DOCK11: variants seen among roughly 807,000 people sequenced by gnomAD.
DOCK11 encodes dedicator of cytokinesis protein 11.
In DOCK11, 70 loss-of-function variants were observed where a neutral mutation model predicts 169.1. The observed-to-expected ratio is 0.41, with a 90% CI of 0.34 to 0.51. The LOEUF is 0.51. DOCK11 is among the 20% of genes least tolerant of loss of function. DOCK11 has a pLI of 0.10. For synonymous variants in DOCK11, 529 were observed against 541.3 expected (o/e 0.98, Z 0.32); for missense variants, 1,166 against 1,538.8 (o/e 0.76, Z 4.05).
intron 38 of DOCK11, among the ~76,000 whole-genome samples, chrX:118,640,963 T>G (rs1256366748): frequency 9.0e-6 from 1 of 110,513 alleles, no homozygotes; most frequent in Non-Finnish European, 1.9e-5. Context: ...CCGGCTAATT[T>G]TTTGTATTTT....
At chrX:118,520,195 A>G (rs1260333491) in intron 1 of DOCK11, among the ~76,000 whole-genome samples, 1 of 112,038 alleles carries the variant, frequency 8.9e-6, no homozygotes, top group East Asian at 2.8e-4. Flanking sequence ...AACCAATATG[A>G]TATTGGTTTA....
intron 6 of DOCK11, among the ~76,000 whole-genome samples, chrX:118,555,199 A>C (rs181367243): frequency 1.3e-4 from 15 of 111,775 alleles, no homozygotes; most frequent in Admixed American, 3.8e-4. Flanking sequence ...ATACGGTAGA[A>C]TTATTTAAGA....
chrX:118,546,264 A>G (rs1254358422), intron 6 of DOCK11, 148 bp downstream of exon 6: 1 of 329,510 alleles, frequency 3.0e-6, no homozygotes, highest in Non-Finnish European at 5.0e-6. Context: ...TGGAATTTAA[A>G]AAATCTAAAA....
intron 6 of DOCK11, among the ~76,000 whole-genome samples, chrX:118,559,044 C>T (rs150393859): frequency 6.6e-4 from 74 of 111,827 alleles, no homozygotes; most frequent in African/African-American, 2.3e-3. Flanking sequence ...ATATTCTCTC[C>T]TCAGATTCAT....
intron 23 of DOCK11, among the ~76,000 whole-genome samples, chrX:118,601,512 T>A (rs977526533): frequency 9.0e-6 from 1 of 111,707 alleles, no homozygotes; most frequent in Non-Finnish European, 1.9e-5. Flanking sequence ...TATGTATGAA[T>A]GCTTTGTTAA....
intron 1 of DOCK11, among the ~76,000 whole-genome samples, chrX:118,512,065 C>T (rs1335143837): frequency 8.9e-6 from 1 of 111,853 alleles, no homozygotes; most frequent in Non-Finnish European, 1.9e-5. Context: ...AGGCGCACGC[C>T]GCCATGCGTG....
chrX:118,542,999 GTTTA>G lies in DOCK11; in HGVS notation c.297_300del (p.Phe100LeufsTer15). ...GAAGATGCTGAAAAGAGGGCCCAGA[GTTTA>G]TTTGTTAAAGAGGTAAGAGGCTCAA... is the stretch of plus-strand genomic sequence containing the variant. On this transcript the variant is annotated frameshift_variant, in exon 3 of 53. Transcript: ENST00000276202. LOFTEE classifies it high-confidence loss of function. The G allele has an allele frequency of 2.5e-6, 3 of 1,207,816 alleles. No homozygotes were observed. The highest frequency in any genetic ancestry group is 3.4e-6 in the Non-Finnish European group (3 of 893,436).
intron 4 of DOCK11, among the ~76,000 whole-genome samples, chrX:118,543,842 T>C (rs1270764600): frequency 9.0e-6 from 1 of 111,382 alleles, no homozygotes; most frequent in Non-Finnish European, 1.9e-5. Context: ...CTCAGCTACT[T>C]GGGAGGGTGA....
In DOCK11 at chrX:118,546,127, G is replaced by A. The variant is rs1432266561; in HGVS notation, c.558+11G>A. 1 of 965,418 alleles carries A rather than the reference G, an allele frequency of 1.0e-6. No individual in the cohort carries two copies. The highest frequency in any genetic ancestry group is 2.6e-5 in the Admixed American group (1 of 38,670). The allele number at this position is 965,418 out of a possible 1,213,427, so 79.6% of individuals were successfully genotyped here. A position where few individuals can be genotyped will look rare whatever the true frequency, so the allele number is the denominator to read the frequency against. On this transcript the variant is annotated intron_variant, in intron 6 of 52. Coordinates refer to ENST00000276202, the MANE Select transcript of DOCK11 (RefSeq NM_144658.4). Reference sequence around the variant, plus strand: ...ACAGTAACCATGAAGGTAGGAAGTAGTTATTATATTATTCCATCATTTTAA... The same window carrying A: ...ACAGTAACCATGAAGGTAGGAAGTAATTATTATATTATTCCATCATTTTAA...
At chrX:118,593,457 G>T in intron 20 of DOCK11, 120 bp downstream of exon 20, 6 of 671,812 alleles carry the variant, frequency 8.9e-6, no homozygotes, top group Non-Finnish European at 1.2e-5. Flanking sequence ...CACTGTATTA[G>T]TTCATTTTCA....
intron 31 of DOCK11, among the ~76,000 whole-genome samples, chrX:118,620,225 C>G (rs1266045112): frequency 6.3e-5 from 7 of 111,763 alleles, no homozygotes. Context: ...TAATTTACTT[C>G]CACGGTATCA....
chrX:118,641,395 A>C (rs2015531177), intron 39 of DOCK11, 90 bp downstream of exon 39: 18 of 640,865 alleles, frequency 2.8e-5, no homozygotes, highest in Non-Finnish European at 4.4e-5. Context: ...GTACACTGAA[A>C]AAGGCTGGCA....
At chrX:118,683,525 T>C (rs186639118) in intron 52 of DOCK11, among the ~76,000 whole-genome samples, 38 of 111,972 alleles carry the variant, frequency 3.4e-4, no homozygotes, top group African/African-American at 1.2e-3. Flanking sequence ...TTTTAGAAAC[T>C]ATCTAGTTGA....
At chrX:118,533,019 T>C (rs1448736977) in intron 1 of DOCK11, among the ~76,000 whole-genome samples, 1 of 111,231 alleles carries the variant, frequency 9.0e-6, no homozygotes, top group African/African-American at 3.3e-5. Flanking sequence ...GAGATGGAGA[T>C]TCGCTCTTGT....
chrX:118,684,271 C>CTTTTTTTTTTTTTTTTTTTTTTTTTTTT (rs1197326228), intron 52 of DOCK11, among the ~76,000 whole-genome samples: 2 of 78,631 alleles, frequency 2.5e-5, no homozygotes, highest in African/African-American at 9.7e-5. Flanking sequence ...TTTTTTTTTT[C>CTTTTTTTTTTTTTTTTTTTTTTTTTTTT]TTTTTTTTTT....
chrX:118,639,102 CT>C (rs1187493658), intron 37 of DOCK11, among the ~76,000 whole-genome samples: 2 of 111,990 alleles, frequency 1.8e-5, no homozygotes, highest in Non-Finnish European at 3.8e-5. Context: ...CTCATTTCAA[CT>C]CTTAGTGAAC....
intron 1 of DOCK11, among the ~76,000 whole-genome samples, chrX:118,505,798 G>A (rs944537791): frequency 2.7e-5 from 3 of 112,526 alleles, no homozygotes; most frequent in African/African-American, 9.7e-5. Context: ...GCCTTGGGCC[G>A]GAAGGCTCTC....
At position 118,599,237 on chromosome X, in the gene DOCK11, A is replaced by G. The variant is rs755681354; in HGVS notation, c.2562+9A>G. On this transcript the variant is annotated intron_variant, in intron 23 of 52. Coordinates refer to ENST00000276202, the MANE Select transcript of DOCK11 (RefSeq NM_144658.4). Reference sequence around the variant, plus strand: ...TCATTAAATATTTAAAGGTAAATGAACAGCAGCTTTCTGCAAAACGTTTGT... The same window carrying G: ...TCATTAAATATTTAAAGGTAAATGAGCAGCAGCTTTCTGCAAAACGTTTGT... 5.1e-6 allele frequency: 6 copies of G among 1,166,080 alleles called. No homozygotes were observed. In the African/African-American group the frequency reaches 1.1e-4, roughly 21 times the overall value.
At chrX:118,608,429 T>G (rs1425016692) in intron 26 of DOCK11, 73 bp downstream of exon 26, 1 of 1,078,745 alleles carries the variant, frequency 9.3e-7, no homozygotes, top group Non-Finnish European at 1.2e-6. Flanking sequence ...CCCGTTTCAC[T>G]TCTAGTCTTT....
Sources: allele counts gnomAD v4.1 joint callset (sites outside exome capture counted in the v4.1 genomes callset), GRCh38; gene constraint gnomAD v4.1.1; transcripts MANE v1.5; gene names NCBI Gene and HGNC (gene_info 2026-07-23, HGNC 2026-07-21).